Variants in RBMX observed in about 807,000 individuals in gnomAD.
RBMX encodes RNA-binding motif protein, X chromosome.
RBMX carries 1 observed loss-of-function variant against 29.3 expected under a neutral mutation model. The observed-to-expected ratio is 0.03, with a 90% CI of 0.01 to 0.16. The LOEUF (loss-of-function observed/expected upper bound fraction) is 0.16, where lower values mean the gene tolerates loss of function less well. RBMX is among the 10% of genes least tolerant of loss of function. The probability of loss-of-function intolerance (pLI) is 1.00; values close to 1 mark genes in which losing one functional copy is unlikely to be tolerated. For missense variants in RBMX, 121 were observed against 333.2 expected, an observed-to-expected ratio of 0.36 and a Z score of 4.96; for synonymous variants, 102 against 102.3, an observed-to-expected ratio of 1.00 and a Z score of 0.02.
intron 8 of RBMX, 116 bp from the exon 9 acceptor site, chrX:136,874,568 A>G: frequency 1.1e-6 from 1 of 937,943 alleles, no homozygotes; most frequent in Non-Finnish European, 1.5e-6. Context: ...ACTGGGTGGG[A>G]GGTTTTAAAC....
chrX:136,874,611 C>G, intron 8 of RBMX, 159 bp from the exon 9 acceptor site: 1 of 615,605 alleles, frequency 1.6e-6, no homozygotes, highest in Non-Finnish European at 2.5e-6. Context: ...GGGATTTGCT[C>G]ATCTGCTGAG....
chrX:136,871,813 T>G (rs2077686692), downstream of RBMX, among the ~76,000 whole-genome samples: 1 of 75,670 alleles, frequency 1.3e-5, no homozygotes, highest in Admixed American at 1.3e-4. Context: ...CGCCCGGTGT[T>G]TTTTTTTTTT....
rs201673579 is a variant in RBMX, at chrX:136,879,427, TG to T, written c.-1del. 66,563 of 627,414 alleles carry T rather than the reference TG, an allele frequency of 0.11. 59 individuals carry two copies. Among genetic ancestry groups the T allele is most frequent in the East Asian group, 0.14 (2,262 of 16,717 alleles). The allele number at this position is 627,414 out of a possible 1,213,427, so 51.7% of individuals were successfully genotyped here. A position where few individuals can be genotyped will look rare whatever the true frequency, so the allele number is the denominator to read the frequency against. On this transcript the variant is annotated 5_prime_UTR_variant, in exon 2 of 9. Transcript: ENST00000320676. ...TTTCCTGGGCGATCTGCTTCAACCATGTTTTTTTTTTTTTGGGCCGGTGAGT... is the reference window on the plus strand; with the variant it reads ...TTTCCTGGGCGATCTGCTTCAACCATTTTTTTTTTTTTTGGGCCGGTGAGT...
downstream of RBMX, chrX:136,870,162 A>T (rs763807729): frequency 4.4e-5 from 5 of 112,902 alleles, no homozygotes; most frequent in African/African-American, 1.6e-4. Flanking sequence ...TATGTGAAGA[A>T]CCACAAGAAC....
rs1603368234 is a variant in RBMX at position 136,879,603 on chromosome X, T to C, written c.-26-150A>G. The C allele has an allele frequency of 1.2e-5, 6 of 506,080 alleles. No homozygotes were observed. The East Asian group carries it at 2.2e-4, about 19-fold the overall frequency. 41.7% of individuals were successfully genotyped at this position (506,080 alleles called of 1,213,427 possible). A position where few individuals can be genotyped will look rare whatever the true frequency, so the allele number is the denominator to read the frequency against. ...ATAACGAGCTAAGCCTCAGCCACAG[T>C]AGGAAGCAATTTGAACTAAGTAGTT... On this transcript the variant is annotated intron_variant, in intron 1 of 8. Transcript: ENST00000320676.
At chrX:136,872,554 T>TATGG, downstream of RBMX, 1 of 417,578 alleles carries the variant, frequency 2.4e-6, no homozygotes. Flanking sequence ...TTGCATGGCT[T>TATGG]ATGGATTGTC....
chrX:136,872,119 AC>A (rs1240084563), downstream of RBMX: 4 of 454,872 alleles, frequency 8.8e-6, no homozygotes, highest in African/African-American at 9.9e-5. Context: ...CAGGCACTAC[AC>A]ATTAAAGCAC....
intron 4 of RBMX, 52 bp from the exon 5 acceptor site, chrX:136,876,707 G>A (rs759746950): frequency 4.1e-5 from 37 of 896,718 alleles, no homozygotes; most frequent in Non-Finnish European, 5.5e-5. Context: ...AATCAAGAAA[G>A]ATATAAAAGT....
At position 136,876,528 on chromosome X, in the gene RBMX, G is replaced by T; in HGVS notation, c.516C>A (p.Arg172=). 1 of 1,193,906 alleles carries T rather than the reference G, an allele frequency of 8.4e-7. No homozygotes were observed. Among genetic ancestry groups the T allele is most frequent in the Non-Finnish European group, 1.1e-6 (1 of 889,514 alleles). Residue 172 remains arginine (R), a synonymous_variant, in exon 5 of 9, where the codon CGC becomes CGA. Transcript: ENST00000320676. ...CTCTTCCTCCCATTCCACTGCTACT[G>T]CGAACTGGTCCTGAAGGTGCAGATC... is the stretch of plus-strand genomic sequence containing the variant. The part of the protein sequence containing the change: ...PKRSAPSGPV[R]SSSGMGGRAP...
At position 136,876,662 on chromosome X, in the gene RBMX, C is replaced by G. The variant is rs370776864; in HGVS notation, c.389-7G>C. 103 of 1,117,915 alleles carry G rather than the reference C, an allele frequency of 9.2e-5. No homozygotes were observed. The highest frequency in any genetic ancestry group is 1.2e-4 in the Non-Finnish European group (101 of 844,248). 92.1% of individuals were successfully genotyped at this position (1,117,915 alleles called of 1,213,427 possible). A position where few individuals can be genotyped will look rare whatever the true frequency, so the allele number is the denominator to read the frequency against. On this transcript the variant is annotated splice_polypyrimidine_tract_variant and splice_region_variant and intron_variant, in intron 4 of 8. Transcript: ENST00000320676. ...ATGGAATATCCACCGTCATCTGCAT[C>G]AAAAATAGAAAAGAAAAATATTACT...
At chrX:136,872,174 G>A, downstream of RBMX, 1 of 684,953 alleles carries the variant, frequency 1.5e-6, no homozygotes, top group Non-Finnish European at 2.2e-6. Flanking sequence ...TACAGATGAA[G>A]TGAGGACCAC....
intron 1 of RBMX, among the ~76,000 whole-genome samples, chrX:136,880,294 G>A (rs1002837257): frequency 8.9e-6 from 1 of 112,041 alleles, no homozygotes. Flanking sequence ...CATCATTAGC[G>A]CCAGCGCCAT....
intron 4 of RBMX, 27 bp from the exon 5 acceptor site, chrX:136,876,682 A>G: frequency 9.0e-7 from 1 of 1,110,241 alleles, no homozygotes; most frequent in South Asian, 2.1e-5. Context: ...AAAGAAAAAT[A>G]TTACTACTCA....
chrX:136,872,302 G>C (rs756655180), downstream of RBMX: 73 of 1,165,776 alleles, frequency 6.3e-5, no homozygotes, highest in South Asian at 1.3e-3. Flanking sequence ...TATCTACTGT[G>C]AATCAATCAG....
intron 5 of RBMX, among the ~76,000 whole-genome samples, chrX:136,876,131 T>TG (rs1245427912): frequency 2.0e-5 from 2 of 101,528 alleles, no homozygotes; most frequent in African/African-American, 3.6e-5. Context: ...TTTTGTTTTT[T>TG]TTTTTTTTTT....
chrX:136,878,299 G>C (rs759456956), intron 3 of RBMX, among the ~76,000 whole-genome samples: 113 of 110,925 alleles, frequency 1.0e-3, no homozygotes, highest in African/African-American at 3.5e-3. Flanking sequence ...TGATGATCTG[G>C]ATTGAAACAT....
chrX:136,871,616 G>GA (rs2077685333), downstream of RBMX, among the ~76,000 whole-genome samples: 1 of 109,770 alleles, frequency 9.1e-6, no homozygotes, highest in Non-Finnish European at 1.9e-5. Context: ...TAGTAACAAC[G>GA]AAAGTATATC....
chrX:136,874,279 TTTC>T lies in RBMX; in HGVS notation c.1036_1038del (p.Glu346del). ...CTTTCCATAGAAGGGGGAAGCCCTCTTTCTTGTCTGCCAACCCGATCACGACCA... is the reference window on the plus strand; with the variant it reads ...CTTTCCATAGAAGGGGGAAGCCCTCTTTGTCTGCCAACCCGATCACGACCA... On this transcript the variant is annotated inframe_deletion, in exon 9 of 9. Transcript: ENST00000320676. 1 of 1,212,916 alleles carries T rather than the reference TTTC, an allele frequency of 8.2e-7. No homozygotes were observed. The highest frequency in any genetic ancestry group is 1.1e-6 in the Non-Finnish European group (1 of 895,674).
intron 3 of RBMX, among the ~76,000 whole-genome samples, chrX:136,878,520 T>C (rs1011044183): frequency 8.3e-5 from 9 of 107,897 alleles, no homozygotes; most frequent in Non-Finnish European, 1.1e-4. Context: ...CGGAGGCAGC[T>C]GGATCACCTG....
Sources: allele counts gnomAD v4.1 joint callset (sites outside exome capture counted in the v4.1 genomes callset), GRCh38; gene constraint gnomAD v4.1.1; transcripts MANE v1.5; gene names NCBI Gene and HGNC (gene_info 2026-07-23, HGNC 2026-07-21).